Variants in RAD17 observed in about 807,000 individuals in gnomAD.
RAD17 encodes the protein cell cycle checkpoint protein RAD17.
In RAD17, 31 loss-of-function variants were observed where a neutral mutation model predicts 81.5. The observed-to-expected ratio is 0.38, with a 90% CI of 0.29 to 0.51. The LOEUF (loss-of-function observed/expected upper bound fraction) is 0.51, where lower values mean the gene tolerates loss of function less well. Ranked by LOEUF, RAD17 falls within the 20% of genes least tolerant of loss-of-function variation. The probability of loss-of-function intolerance (pLI) is 0.88; values close to 1 mark genes in which losing one functional copy is unlikely to be tolerated. For missense variants in RAD17, 681 were observed against 781.2 expected (o/e 0.87, Z 1.53); for synonymous variants, 261 against 266.2 (o/e 0.98, Z 0.19).
chr5:69,386,525 A>G, intron 11 of RAD17, 60 bp downstream of exon 11: 1 of 1,447,398 alleles, frequency 6.9e-7, no homozygotes, highest in Non-Finnish European at 9.1e-7. Flanking sequence ...CTTAAATAGT[A>G]TTATGTAAAC....
intron 15 of RAD17, among the ~76,000 whole-genome samples, chr5:69,395,970 G>A (rs1038407157): frequency 3.9e-5 from 6 of 152,090 alleles, no homozygotes; most frequent in African/African-American, 7.2e-5. Flanking sequence ...GATTACAGGC[G>A]TGAGCCACTG....
chr5:69,407,843 C>T (rs527475408), intron 17 of RAD17, among the ~76,000 whole-genome samples: 2 of 152,278 alleles, frequency 1.3e-5, no homozygotes, highest in East Asian at 1.9e-4. Context: ...TGAGCTACCA[C>T]GCCTGGCCTA....
intron 15 of RAD17, among the ~76,000 whole-genome samples, chr5:69,394,218 C>G (rs1179323025): frequency 6.6e-6 from 1 of 150,788 alleles, no homozygotes; most frequent in East Asian, 2.0e-4. Context: ...GCACCACTAT[C>G]CTTAGCTAAT....
intron 17 of RAD17, among the ~76,000 whole-genome samples, chr5:69,401,081 G>A (rs550998086): frequency 1.3e-5 from 2 of 152,086 alleles, no homozygotes; most frequent in African/African-American, 2.4e-5. Context: ...GTGGTGGCAC[G>A]CGTCTGTAAT....
intron 7 of RAD17, among the ~76,000 whole-genome samples, chr5:69,384,466 C>T (rs983111193): frequency 2.4e-4 from 37 of 152,186 alleles, no homozygotes; most frequent in South Asian, 2.1e-4. Context: ...AGGCACAAGC[C>T]TCCACACCTG....
chr5:69,407,216 T>C (rs548366232), intron 17 of RAD17, among the ~76,000 whole-genome samples: 8 of 152,250 alleles, frequency 5.3e-5, no homozygotes, highest in Non-Finnish European at 1.0e-4. Flanking sequence ...TTGGCCAGTC[T>C]GGTCTCAAAC....
rs527963062 is a variant in RAD17, at chr5:69,391,557, G to A, written c.1007-274G>A. ...GAGTATTTTGGAGTTTGAATTTTTT[G>A]GATCAGGAATGTCAGCCTATATTAG... On this transcript the variant is annotated intron_variant, in intron 12 of 18. Coordinates refer to ENST00000354868, the MANE Select transcript of RAD17 (RefSeq NM_133338.3). Among the ~76,000 whole-genome samples the A allele has an allele frequency of 2.6e-5, 4 of 152,234 alleles. No individual in the cohort carries two copies. The South Asian group carries it at 8.3e-4, about 32-fold the overall frequency.
chr5:69,377,435 G>GTA (rs1763410616), intron 6 of RAD17, among the ~76,000 whole-genome samples: 1 of 23,060 alleles, frequency 4.3e-5, no homozygotes, highest in African/African-American at 1.6e-4. Context: ...GTGTGTGTGT[G>GTA]TGTGTATATA....
intron 17 of RAD17, among the ~76,000 whole-genome samples, chr5:69,406,584 C>A (rs759483718): frequency 6.6e-6 from 1 of 152,096 alleles, no homozygotes; most frequent in Non-Finnish European, 1.5e-5. Context: ...TCACTGCAGC[C>A]TAAACCTCCT....
intron 18 of RAD17, among the ~76,000 whole-genome samples, chr5:69,410,944 A>G (rs1452217962): frequency 1.0e-5 from 1 of 97,400 alleles, no homozygotes; most frequent in African/African-American, 3.7e-5. Context: ...AAATTTAAAC[A>G]AGCAAAAAAT....
At chr5:69,409,168 G>A (rs1765814416) in intron 17 of RAD17, among the ~76,000 whole-genome samples, 1 of 152,124 alleles carries the variant, frequency 6.6e-6, no homozygotes, top group South Asian at 2.1e-4. Context: ...TATTCTGGGT[G>A]GGTGCCCAGC....
rs17236345 is a variant in RAD17, at chr5:69,387,417, G to A, written c.894+952G>A. Reference sequence around the variant, plus strand: ...GGAACTGAGGGAAATATCCAAGGGAGAGGTTGTTTTGAGGATTAAATACGT... The same window carrying A: ...GGAACTGAGGGAAATATCCAAGGGAAAGGTTGTTTTGAGGATTAAATACGT... On this transcript the variant is annotated intron_variant, in intron 11 of 18. Transcript: ENST00000354868. Among the ~76,000 whole-genome samples, 427 of 152,288 alleles carry A rather than the reference G, an allele frequency of 2.8e-3. 1 individual carries two copies. Among genetic ancestry groups the A allele is most frequent in the African/African-American group, 9.9e-3 (411 of 41,562 alleles).
At position 69,396,412 on chromosome 5, in the gene RAD17, A is replaced by C. The variant is rs148563193; in HGVS notation, c.1438A>C (p.Arg480=). 6.8e-6 allele frequency: 11 copies of C among 1,611,006 alleles called. No individual in the cohort carries two copies. Among genetic ancestry groups the C allele is most frequent in the Non-Finnish European group, 9.3e-6 (11 of 1,178,358 alleles). ...SGDWNTRSLL[R]EYSTSIATRG... is the part of the protein sequence containing the mutation. ...CATTTGTTAGACACGCTCTTTACTC[A>C]GGGAATATAGCACATCTATAGCTAC... Residue 480 remains arginine (R), a synonymous_variant, in exon 16 of 19, where the codon AGG becomes CGG. Transcript: ENST00000354868.
chr5:69,384,651 A>G, intron 7 of RAD17, 146 bp from the exon 8 acceptor site: 1 of 747,666 alleles, frequency 1.3e-6, no homozygotes, highest in Non-Finnish European at 2.0e-6. Context: ...GGAATATCCT[A>G]TTTTAAATTT....
chr5:69,407,202 T>G (rs905779489), intron 17 of RAD17, among the ~76,000 whole-genome samples: 1 of 151,926 alleles, frequency 6.6e-6, no homozygotes, highest in African/African-American at 2.4e-5. Flanking sequence ...GGGGTTTTAC[T>G]ATGTTGGCCA....
At chr5:69,370,444 A>ATTC (rs1392250067) in intron 1 of RAD17, among the ~76,000 whole-genome samples, 2 of 151,888 alleles carry the variant, frequency 1.3e-5, no homozygotes, top group Non-Finnish European at 2.9e-5. Flanking sequence ...GGTTCAAGTG[A>ATTC]TTCTCCTGCC....
At chr5:69,392,817 A>T in intron 13 of RAD17, 1 of 467,256 alleles carries the variant, frequency 2.1e-6, no homozygotes, top group Non-Finnish European at 4.2e-6. Flanking sequence ...ATCTTCCTAC[A>T]TAGTAAATAA....
At chr5:69,377,692 T>C (rs1487038806) in intron 6 of RAD17, among the ~76,000 whole-genome samples, 4 of 96,526 alleles carry the variant, frequency 4.1e-5, no homozygotes, top group African/African-American at 1.2e-4. Flanking sequence ...TATATATATG[T>C]ATACATATAT....
intron 18 of RAD17, among the ~76,000 whole-genome samples, chr5:69,412,689 TAGA>T (rs1404601198): frequency 6.6e-6 from 1 of 152,154 alleles, no homozygotes; most frequent in Non-Finnish European, 1.5e-5. Context: ...TTTGCCAGTT[TAGA>T]AGATGACAGT....
Sources: gnomAD v4.1 joint callset for allele counts (sites outside exome capture counted in the v4.1 genomes callset) on GRCh38, gnomAD v4.1.1 for gene constraint, MANE v1.5 for transcripts, NCBI Gene and HGNC (gene_info 2026-07-23, HGNC 2026-07-21) for gene names.